ARSB: variants seen among roughly 807,000 people sequenced by gnomAD.
ARSB encodes the protein arylsulfatase B, also known as N-acetylgalactosamine-4-sulfatase.
A neutral mutation model predicts 50.9 loss-of-function variants in ARSB; 41 were observed. That is an observed-to-expected ratio of 0.81 (90% CI 0.63 to 1.04). ARSB has a LOEUF of 1.04. Ranked by LOEUF, ARSB falls within the 50% of genes least tolerant of loss-of-function variation. The pLI, the probability that ARSB is intolerant of heterozygous loss-of-function variation, is 0.00. For synonymous variants in ARSB, 269 were observed against 284.8 expected, an observed-to-expected ratio of 0.94 and a Z score of 0.56; for missense variants, 672 against 693.3, an observed-to-expected ratio of 0.97 and a Z score of 0.35.
chr5:78,880,248 A>G (rs182866696), intron 5 of ARSB, among the ~76,000 whole-genome samples: 1 of 152,360 alleles, frequency 6.6e-6, no homozygotes, highest in East Asian at 1.9e-4. Flanking sequence ...TCTGATCAAC[A>G]TAATCTTAAG....
chr5:78,849,566 T>C (rs1367887389), intron 5 of ARSB, among the ~76,000 whole-genome samples: 3 of 152,058 alleles, frequency 2.0e-5, no homozygotes, highest in Non-Finnish European at 4.4e-5. Flanking sequence ...TTTGGTTCCA[T>C]ATGAACTTTA....
chr5:78,953,898 G>A (rs918368345), intron 4 of ARSB, among the ~76,000 whole-genome samples: 1 of 152,068 alleles, frequency 6.6e-6, no homozygotes, highest in Admixed American at 6.6e-5. Flanking sequence ...ACATTTAAGA[G>A]TAATGGTTAA....
intron 4 of ARSB, among the ~76,000 whole-genome samples, chr5:78,930,850 T>C (rs1003546069): frequency 1.3e-5 from 2 of 152,264 alleles, no homozygotes; most frequent in Non-Finnish European, 2.9e-5. Flanking sequence ...AGCAGCCTGT[T>C]TGAAGCCAAG....
chr5:78,796,879 CT>C (rs1342063568), intron 6 of ARSB, among the ~76,000 whole-genome samples: 183 of 126,314 alleles, frequency 1.4e-3, no homozygotes, highest in Middle Eastern at 4.4e-3. Flanking sequence ...GTCTCGATCT[CT>C]TTTTTTTTTT....
chr5:78,834,396 T>C (rs79074248), intron 6 of ARSB, among the ~76,000 whole-genome samples: 1 of 151,694 alleles, frequency 6.6e-6, no homozygotes, highest in Middle Eastern at 3.4e-3. Flanking sequence ...TCATGCCCCA[T>C]TCTCCCCTCC....
At chr5:78,925,582 C>T (rs901946118) in intron 4 of ARSB, among the ~76,000 whole-genome samples, 6 of 151,928 alleles carry the variant, frequency 3.9e-5, no homozygotes, top group African/African-American at 1.4e-4. Context: ...CTAAGCAAAG[C>T]ACAGGGTAGA....
chr5:78,797,054 T>A (rs1008557770), intron 6 of ARSB, among the ~76,000 whole-genome samples: 2 of 152,002 alleles, frequency 1.3e-5, no homozygotes, highest in East Asian at 1.9e-4. Flanking sequence ...ATTTTTTGTA[T>A]TTTTTAGTAG....
intron 5 of ARSB, among the ~76,000 whole-genome samples, chr5:78,852,562 T>C (rs1745872497): frequency 6.6e-6 from 1 of 152,134 alleles, no homozygotes; most frequent in Admixed American, 6.6e-5. Flanking sequence ...GAGGAGTATC[T>C]TTGTGGCATT....
intron 4 of ARSB, among the ~76,000 whole-genome samples, chr5:78,900,076 A>G (rs1388935998): frequency 6.6e-6 from 1 of 151,686 alleles, no homozygotes; most frequent in Non-Finnish European, 1.5e-5. Flanking sequence ...GCCTGTCCCA[A>G]ATGGGGGAGT....
At chr5:78,866,333 T>C (rs924362626) in intron 5 of ARSB, among the ~76,000 whole-genome samples, 2 of 152,142 alleles carry the variant, frequency 1.3e-5, no homozygotes, top group African/African-American at 4.8e-5. Context: ...CATCAGATCT[T>C]GTGAGCCCTA....
intron 6 of ARSB, among the ~76,000 whole-genome samples, chr5:78,822,989 C>T (rs1004136979): frequency 7.2e-5 from 11 of 152,296 alleles, no homozygotes; most frequent in African/African-American, 2.4e-4. Flanking sequence ...ATACTGAATA[C>T]AAAATTTTAT....
intron 6 of ARSB, among the ~76,000 whole-genome samples, chr5:78,799,019 C>T (rs977029100): frequency 1.3e-5 from 2 of 152,114 alleles, no homozygotes; most frequent in African/African-American, 2.4e-5. Flanking sequence ...CAGCAGCCCC[C>T]GAAAGTAAGG....
chr5:78,968,391 A>G (rs1047030846), intron 2 of ARSB, among the ~76,000 whole-genome samples: 1 of 150,814 alleles, frequency 6.6e-6, no homozygotes, highest in Non-Finnish European at 1.5e-5. Context: ...TCTGTTGCCC[A>G]GGCTAGAGTG....
chr5:78,894,099 G>A (rs547007504), intron 4 of ARSB, among the ~76,000 whole-genome samples: 1 of 152,212 alleles, frequency 6.6e-6, no homozygotes, highest in African/African-American at 2.4e-5. Flanking sequence ...GAGAAGTAAT[G>A]AATGAGAAAA....
intron 5 of ARSB, among the ~76,000 whole-genome samples, chr5:78,854,260 T>C (rs1376171525): frequency 6.6e-6 from 1 of 152,208 alleles, no homozygotes; most frequent in Non-Finnish European, 1.5e-5. Flanking sequence ...TCTTTCCTTC[T>C]ACTAATTTTG....
intron 5 of ARSB, among the ~76,000 whole-genome samples, chr5:78,866,670 T>C (rs1219453090): frequency 1.3e-5 from 2 of 152,006 alleles, no homozygotes; most frequent in Non-Finnish European, 2.9e-5. Context: ...GCTGAGATGC[T>C]GAGAGAGGAG....
chr5:78,808,048 C>G (rs28634712), intron 6 of ARSB, among the ~76,000 whole-genome samples: 21,560 of 126,566 alleles, frequency 0.17, 2,960 homozygotes, highest in African/African-American at 0.38. Flanking sequence ...AGCCGAGATC[C>G]CGCCACTGCA....
intron 5 of ARSB, among the ~76,000 whole-genome samples, chr5:78,859,448 C>G (rs968419292): frequency 6.6e-6 from 1 of 152,162 alleles, no homozygotes; most frequent in African/African-American, 2.4e-5. Flanking sequence ...GGATAAACTT[C>G]AGGGACTAAT....
chr5:78,984,586 C>A (rs1475370750), intron 1 of ARSB, among the ~76,000 whole-genome samples: 1 of 152,246 alleles, frequency 6.6e-6, no homozygotes, highest in Non-Finnish European at 1.5e-5. Context: ...CACGCCCTCC[C>A]CAGCCTCCCA....
Sources: gnomAD v4.1 joint callset for allele counts (sites outside exome capture counted in the v4.1 genomes callset) on GRCh38, gnomAD v4.1.1 for gene constraint, MANE v1.5 for transcripts, NCBI Gene and HGNC (gene_info 2026-07-23, HGNC 2026-07-21) for gene names.